GRIP1: variants seen among roughly 807,000 people sequenced by gnomAD.
The protein encoded by GRIP1 is glutamate receptor-interacting protein 1.
GRIP1 carries 45 observed loss-of-function variants against 129.9 expected under a neutral mutation model. The ratio of observed to expected loss-of-function variants is 0.35; its 90% CI spans 0.27 to 0.44. GRIP1 has a LOEUF of 0.44. Ranked by LOEUF, GRIP1 falls within the 20% of genes least tolerant of loss-of-function variation. GRIP1 has a pLI of 1.00. For missense variants in GRIP1, 1,196 were observed against 1,396.8 expected, an observed-to-expected ratio of 0.86 and a Z score of 2.29; for synonymous variants, 530 against 520.8, an observed-to-expected ratio of 1.02 and a Z score of -0.24.
chr12:67,010,422 T>A (rs1399146234), intron 1 of GRIP1, among the ~76,000 whole-genome samples: 4 of 151,934 alleles, frequency 2.6e-5, no homozygotes, highest in African/African-American at 7.2e-5. Flanking sequence ...AATTCACATT[T>A]AAAAAAAATA....
At chr12:66,861,318 T>G (rs1252200595) in intron 1 of GRIP1, among the ~76,000 whole-genome samples, 1 of 152,140 alleles carries the variant, frequency 6.6e-6, no homozygotes, top group Non-Finnish European at 1.5e-5. Context: ...AAGGCAACTG[T>G]CATCTGGTTA....
In GRIP1 at chr12:66,392,797, C is replaced by T. The variant is rs750583329; in HGVS notation, c.2149G>A (p.Gly717Arg). ...LAERTGAIHIGDRILAINSSS... is the reference protein window; with the variant it reads ...LAERTGAIHIRDRILAINSSS... ...CTATTGATGGCTAGGATTCGGTCTC[C>T]TATGTGGATTGCGCCAGTTCTGAAA... Residue 717 changes from glycine (G) to arginine (R), a missense_variant, in exon 18 of 25, where the codon GGA becomes AGA. This residue lies in a region of GRIP1 where 28 missense variants were observed against 78.1 expected (regional missense o/e 0.36). Coordinates refer to ENST00000359742, the MANE Select transcript of GRIP1 (RefSeq NM_001366722.1). The T allele has an allele frequency of 1.2e-6, 2 of 1,614,086 alleles. No individual in the cohort carries two copies. Among genetic ancestry groups the T allele is most frequent in the Non-Finnish European group, 1.7e-6 (2 of 1,180,006 alleles).
At chr12:66,795,686 T>C (rs1304093526) in intron 1 of GRIP1, among the ~76,000 whole-genome samples, 4 of 152,136 alleles carry the variant, frequency 2.6e-5, no homozygotes, top group Admixed American at 2.0e-4. Flanking sequence ...TAATCTACAA[T>C]AGCAATATAA....
At chr12:66,475,863 A>C (rs934940792) in intron 7 of GRIP1, among the ~76,000 whole-genome samples, 6 of 152,250 alleles carry the variant, frequency 3.9e-5, no homozygotes, top group Non-Finnish European at 7.3e-5. Flanking sequence ...CTAAATGCCC[A>C]CAAGAGAAAG....
chr12:66,776,994 C>T (rs957018277), intron 1 of GRIP1, among the ~76,000 whole-genome samples: 4 of 152,156 alleles, frequency 2.6e-5, no homozygotes, highest in Admixed American at 6.5e-5. Context: ...GATATATACA[C>T]GGTCTTGTAG....
chr12:66,843,441 A>AT (rs1299757302), intron 1 of GRIP1, among the ~76,000 whole-genome samples: 1 of 152,048 alleles, frequency 6.6e-6, no homozygotes, highest in Admixed American at 6.6e-5. Flanking sequence ...TTTAGCATGG[A>AT]TTTTTTGGTC....
chr12:66,599,642 G>C (rs540854715), intron 1 of GRIP1, among the ~76,000 whole-genome samples: 1 of 152,156 alleles, frequency 6.6e-6, no homozygotes, highest in African/African-American at 2.4e-5. Flanking sequence ...TCCACAGTAG[G>C]ATACTAAAGG....
intron 1 of GRIP1, among the ~76,000 whole-genome samples, chr12:66,727,424 C>T (rs2036290924): frequency 6.6e-6 from 1 of 152,142 alleles, no homozygotes; most frequent in African/African-American, 2.4e-5. Flanking sequence ...GGGCCAGCAG[C>T]CAGTGGAGGA....
In GRIP1 at chr12:66,853,654, T is replaced by C. The variant is rs539413118; in HGVS notation, c.58+215396A>G. ...AGATTTTGAAATGTCTTTTTCTCAC[T>C]TATACATTTATAAATCATGAGCCAA... On this transcript the variant is annotated intron_variant, in intron 1 of 1. Transcript: ENST00000643019. 1.7e-4 allele frequency among the ~76,000 whole-genome samples: 26 copies of C among 152,172 alleles called. No homozygotes were observed. The South Asian group carries it at 2.3e-3, about 13-fold the overall frequency.
chr12:66,397,711 G>A lies in GRIP1; in HGVS notation c.1985-3359C>T, dbSNP rs112110902. Among the ~76,000 whole-genome samples, 362 of 152,238 alleles carry A rather than the reference G, an allele frequency of 2.4e-3. 1 individual carries two copies. The highest frequency in any genetic ancestry group is 7.7e-3 in the African/African-American group (320 of 41,550). ...TTTAGGCATACGTTAGTAAAAAGAT[G>A]GGATGATGCCTGGAATTTCTTCATA... is the stretch of plus-strand genomic sequence containing the variant. On this transcript the variant is annotated intron_variant, in intron 16 of 24. Transcript: ENST00000359742.
At chr12:67,020,604 T>A (rs1340339054) in intron 1 of GRIP1, among the ~76,000 whole-genome samples, 2 of 152,040 alleles carry the variant, frequency 1.3e-5, no homozygotes, top group Non-Finnish European at 2.9e-5. Context: ...GGGATCTCTC[T>A]AAGTTGCCTA....
At chr12:66,702,650 A>C (rs1262906713) in intron 1 of GRIP1, among the ~76,000 whole-genome samples, 1 of 152,270 alleles carries the variant, frequency 6.6e-6, no homozygotes, top group South Asian at 2.1e-4. Context: ...AGTCTCCCTA[A>C]CAAAGCAAAA....
chr12:66,579,820 T>G (rs1351299608), intron 2 of GRIP1, among the ~76,000 whole-genome samples: 1 of 151,128 alleles, frequency 6.6e-6, no homozygotes, highest in Non-Finnish European at 1.5e-5. Flanking sequence ...GGAACCAAGT[T>G]GGAAAACACT....
At chr12:66,539,039 A>C (rs1271109925) in intron 4 of GRIP1, 39 bp downstream of exon 4, 1 of 1,573,576 alleles carries the variant, frequency 6.4e-7, no homozygotes, top group African/African-American at 1.4e-5. Context: ...GGGGTCTTGG[A>C]ATGTATCCCC....
intron 1 of GRIP1, among the ~76,000 whole-genome samples, chr12:66,977,554 C>T (rs2137604247): frequency 6.6e-6 from 1 of 152,166 alleles, no homozygotes; most frequent in East Asian, 1.9e-4. Context: ...CCCCATGGTG[C>T]CCCTTCTCAG....
At chr12:66,511,816 TA>T (rs1257491368) in intron 7 of GRIP1, among the ~76,000 whole-genome samples, 2 of 152,186 alleles carry the variant, frequency 1.3e-5, no homozygotes, top group African/African-American at 4.8e-5. Flanking sequence ...AAAGCCAGGA[TA>T]TATCTTGGGC....
At chr12:66,851,282 A>G (rs1390261194) in intron 1 of GRIP1, among the ~76,000 whole-genome samples, 1 of 151,920 alleles carries the variant, frequency 6.6e-6, no homozygotes, top group Admixed American at 6.6e-5. Context: ...GACATCTGGA[A>G]AGTGGAGACG....
In GRIP1 at chr12:66,533,484, C is replaced by A. The variant is rs4913320; in HGVS notation, c.419-3570G>T. ...ATGTGGTAAAACCCCATCTCTACTA[C>A]AAATATAAAAATTAGCCGGACATAA... On this transcript the variant is annotated intron_variant, in intron 4 of 24. Coordinates refer to ENST00000359742, the MANE Select transcript of GRIP1 (RefSeq NM_001366722.1). Among the ~76,000 whole-genome samples the A allele has an allele frequency of 2.6e-5, 4 of 151,672 alleles. No individual in the cohort carries two copies. In the East Asian group the frequency reaches 7.9e-4, roughly 30 times the overall value.
chr12:66,793,993 A>G (rs1314253309), intron 1 of GRIP1, among the ~76,000 whole-genome samples: 2 of 152,164 alleles, frequency 1.3e-5, no homozygotes, highest in Non-Finnish European at 2.9e-5. Context: ...AAGCATAATA[A>G]ACTTCGTAGC....
Sources: allele counts gnomAD v4.1 joint callset (sites outside exome capture counted in the v4.1 genomes callset), GRCh38; gene constraint gnomAD v4.1.1; regional missense constraint gnomAD v4.1.1; transcripts MANE v1.5; gene names NCBI Gene and HGNC (gene_info 2026-07-23, HGNC 2026-07-21).